LINGO2: variants seen among roughly 807,000 people sequenced by gnomAD.
LINGO2 encodes the protein leucine rich repeat and Ig domain containing 2.
A neutral mutation model predicts 30.6 loss-of-function variants in LINGO2; 14 were observed. That is an observed-to-expected ratio of 0.46 (90% CI 0.30 to 0.72). The LOEUF is 0.72. Among genes scored for constraint, LINGO2 ranks in the 30% least tolerant of loss-of-function variants. The pLI is 0.07. For missense variants in LINGO2, 729 were observed against 751.7 expected, an observed-to-expected ratio of 0.97 and a Z score of 0.35; for synonymous variants, 317 against 288.5, an observed-to-expected ratio of 1.10 and a Z score of -1.00.
chr9:28,439,246 T>C (rs1320171583), intron 2 of LINGO2, among the ~76,000 whole-genome samples: 1 of 150,930 alleles, frequency 6.6e-6, no homozygotes, highest in Non-Finnish European at 1.5e-5. Context: ...ACTATATATG[T>C]GTGTGTGTAT....
At chr9:28,575,471 A>C (rs907040673) in intron 1 of LINGO2, among the ~76,000 whole-genome samples, 6 of 152,044 alleles carry the variant, frequency 3.9e-5, no homozygotes, top group African/African-American at 1.4e-4. Flanking sequence ...GGGAGCTAAA[A>C]ATTGAGTACA....
At chr9:28,909,696 T>A in the LINGO2 span, among the ~76,000 whole-genome samples, 2 of 152,018 alleles carry the variant, frequency 1.3e-5, no homozygotes, top group Admixed American at 1.3e-4. Flanking sequence ...TCAACTTTTT[T>A]CTCCTGGTGT....
At chr9:28,740,507 T>C in the LINGO2 span, among the ~76,000 whole-genome samples, 1 of 151,928 alleles carries the variant, frequency 6.6e-6, no homozygotes, top group East Asian at 1.9e-4. Context: ...AACATACATC[T>C]TTAATATTAT....
chr9:28,443,257 T>C (rs1824271833), intron 2 of LINGO2, among the ~76,000 whole-genome samples: 1 of 152,210 alleles, frequency 6.6e-6, no homozygotes, highest in African/African-American at 2.4e-5. Flanking sequence ...TTCCTTAATA[T>C]CCTTAATGGA....
intron 1 of LINGO2, among the ~76,000 whole-genome samples, chr9:28,627,986 G>C (rs559486429): frequency 6.6e-6 from 1 of 152,150 alleles, no homozygotes; most frequent in East Asian, 1.9e-4. Context: ...TACTTGTGTG[G>C]TCAAAATCAT....
chr9:28,383,254 T>TTGTGTG (rs3065590), intron 2 of LINGO2, among the ~76,000 whole-genome samples: 10,061 of 73,396 alleles, frequency 0.14, 534 homozygotes, highest in East Asian at 0.19. Flanking sequence ...TCACCATTCA[T>TTGTGTG]TGTGTGTGTG....
At chr9:28,490,418 G>A (rs1040671110) in intron 1 of LINGO2, among the ~76,000 whole-genome samples, 9 of 152,288 alleles carry the variant, frequency 5.9e-5, no homozygotes, top group African/African-American at 2.2e-4. Context: ...AAACTTGGGT[G>A]AACTAGGAAT....
rs1447009784 is a variant in LINGO2 at position 28,129,670 on chromosome 9, C to T, written c.-86-117265G>A. On this transcript the variant is annotated intron_variant, in intron 4 of 5. Transcript: ENST00000379992. This position sits in a 1 kb window ranked among gnomAD's most constrained non-coding sequence, Gnocchi z 4.0. Reference sequence around the variant, plus strand: ...GTGGGGGAGAAAATCTTTGAAAAATCCAAATTAGTTTTTATTAGTGGTCCC... The same window carrying T: ...GTGGGGGAGAAAATCTTTGAAAAATTCAAATTAGTTTTTATTAGTGGTCCC... 1 of 152,140 alleles carries T rather than the reference C, an allele frequency of 6.6e-6. No individual in the cohort carries two copies. Among genetic ancestry groups the T allele is most frequent in the Non-Finnish European group, 1.5e-5 (1 of 68,024 alleles). The allele number at this position is 152,140 out of a possible 1,614,324, so 9.4% of individuals were successfully genotyped here.
intron 1 of LINGO2, among the ~76,000 whole-genome samples, chr9:28,546,685 T>A (rs1386138407): frequency 1.3e-5 from 2 of 152,054 alleles, no homozygotes; most frequent in Non-Finnish European, 2.9e-5. Context: ...CTAGTTTCTG[T>A]GGCCTGCCTT....
the LINGO2 span, among the ~76,000 whole-genome samples, chr9:28,826,685 T>C: frequency 6.6e-6 from 1 of 152,224 alleles, no homozygotes; most frequent in Admixed American, 6.5e-5. Context: ...GGCTAAATGA[T>C]AATCAGGAAG....
intron 1 of LINGO2, among the ~76,000 whole-genome samples, chr9:28,576,580 A>G (rs760736320): frequency 1.3e-5 from 2 of 152,226 alleles, no homozygotes; most frequent in Non-Finnish European, 2.9e-5. Context: ...AAATTAGGGT[A>G]TAACTTGAGA....
chr9:28,309,107 A>C (rs1824497474), intron 3 of LINGO2, among the ~76,000 whole-genome samples: 1 of 152,206 alleles, frequency 6.6e-6, no homozygotes, highest in East Asian at 1.9e-4. Context: ...ACTGTAAATC[A>C]TGCTGCCATA....
chr9:28,639,875 G>A (rs1827485436), intron 1 of LINGO2, among the ~76,000 whole-genome samples: 1 of 152,122 alleles, frequency 6.6e-6, no homozygotes, highest in Admixed American at 6.5e-5. Flanking sequence ...GATGTTAGCT[G>A]GTTATTTTGC....
At position 28,256,406 on chromosome 9, in the gene LINGO2, G is replaced by A. The variant is rs142168372; in HGVS notation, c.-87+38802C>T. Among the ~76,000 whole-genome samples the A allele has an allele frequency of 6.8e-4, 103 of 151,810 alleles. 1 individual carries two copies. The East Asian group carries it at 0.015, about 23-fold the overall frequency. ...ACAAATATGTCCTTCATGCTAGACC[G>A]AATTCCAGGGGACGTAGAAGTAAGC... is the stretch of plus-strand genomic sequence containing the variant. On this transcript the variant is annotated intron_variant, in intron 4 of 5. Coordinates refer to ENST00000379992, the Ensembl canonical transcript of LINGO2.
At chr9:27,988,060 T>A (rs551204107) in intron 5 of LINGO2, among the ~76,000 whole-genome samples, 27 of 152,044 alleles carry the variant, frequency 1.8e-4, no homozygotes, top group Non-Finnish European at 2.5e-4. Flanking sequence ...TGTCCAAGTG[T>A]TCTCATAGTT....
At chr9:28,548,658 T>C (rs1822085976) in intron 1 of LINGO2, among the ~76,000 whole-genome samples, 2 of 126,826 alleles carry the variant, frequency 1.6e-5, no homozygotes, top group Admixed American at 1.0e-4. Context: ...GAGCCGAGAT[T>C]GAGCCACTGC....
At chr9:28,004,670 G>C (rs559541858) in intron 5 of LINGO2, among the ~76,000 whole-genome samples, 1 of 152,196 alleles carries the variant, frequency 6.6e-6, no homozygotes, top group South Asian at 2.1e-4. Context: ...GCTTATAGTG[G>C]ATACTCAACA....
intron 4 of LINGO2, among the ~76,000 whole-genome samples, chr9:28,068,156 A>G (rs1478075286): frequency 6.6e-6 from 1 of 152,138 alleles, no homozygotes; most frequent in Non-Finnish European, 1.5e-5. Flanking sequence ...CATGTAGTGT[A>G]TGCATATACA....
intron 3 of LINGO2, among the ~76,000 whole-genome samples, chr9:28,322,434 T>C (rs1423638012): frequency 6.8e-6 from 1 of 147,604 alleles, no homozygotes; most frequent in Non-Finnish European, 1.5e-5. Context: ...TAGTAGGCAC[T>C]CAGTACACAC....
Sources: allele counts gnomAD v4.1 joint callset (sites outside exome capture counted in the v4.1 genomes callset), GRCh38; gene constraint gnomAD v4.1.1; non-coding constraint Gnocchi (gnomAD v3.1); transcripts MANE v1.5; gene names NCBI Gene and HGNC (gene_info 2026-07-23, HGNC 2026-07-21).